CPSF2: variants seen among roughly 807,000 people sequenced by gnomAD.
CPSF2 encodes the protein cleavage and polyadenylation specificity factor subunit 2.
Under a neutral mutation model 84.2 loss-of-function variants are expected in CPSF2, and 51 were observed. The observed-to-expected ratio is 0.61, with a 90% CI of 0.48 to 0.77. CPSF2 has a LOEUF of 0.77. Among genes scored for constraint, CPSF2 ranks in the 30% least tolerant of loss-of-function variants. CPSF2 has a pLI of 0.00. For missense variants in CPSF2, 641 were observed against 929.4 expected (o/e 0.69, Z 4.03); for synonymous variants, 286 against 311.9 (o/e 0.92, Z 0.87).
chr14:92,142,925 G>C, intron 8 of CPSF2, 79 bp from the exon 9 acceptor site: 1 of 1,244,990 alleles, frequency 8.0e-7, no homozygotes, highest in East Asian at 2.4e-5. Flanking sequence ...GATAGAACTT[G>C]AATTCCTTGA....
rs1393954883 is a variant in CPSF2 at position 92,170,359 on chromosome 14, T to TG, written c.*8616dup. The TG allele has an allele frequency of 3.3e-5, 5 of 152,196 alleles. No homozygotes were observed. The highest frequency in any genetic ancestry group is 2.6e-4 in the Admixed American group (4 of 15,262). 9.4% of individuals were successfully genotyped at this position (152,196 alleles called of 1,614,324 possible). ...TTTTTTGAACTGTTTGTTACTAAGT[T>TG]GCAATTGTGATGTCCCATTAGTACT... On this transcript the variant is annotated 3_prime_UTR_variant, in exon 16 of 16. Coordinates refer to ENST00000298875, the MANE Select transcript of CPSF2 (RefSeq NM_017437.3).
At chr14:92,146,531 C>CA (rs1173714220) in intron 9 of CPSF2, among the ~76,000 whole-genome samples, 1 of 151,198 alleles carries the variant, frequency 6.6e-6, no homozygotes, top group Non-Finnish European at 1.5e-5. Context: ...AAAAAACAAA[C>CA]AAAAACACAT....
intron 6 of CPSF2, among the ~76,000 whole-genome samples, chr14:92,137,992 G>C (rs2069022674): frequency 6.6e-6 from 1 of 152,154 alleles, no homozygotes; most frequent in South Asian, 2.1e-4. Context: ...TATATGGTTA[G>C]CAGGATGTAC....
At chr14:92,127,606 G>A (rs1334516749) in intron 2 of CPSF2, among the ~76,000 whole-genome samples, 1 of 152,182 alleles carries the variant, frequency 6.6e-6, no homozygotes, top group Non-Finnish European at 1.5e-5. Flanking sequence ...GGGGTTGAAG[G>A]GTTAAGAGAG....
intron 11 of CPSF2, 59 bp from the exon 12 acceptor site, chr14:92,156,420 A>T: frequency 7.1e-7 from 1 of 1,407,112 alleles, no homozygotes; most frequent in Non-Finnish European, 9.7e-7. Flanking sequence ...TACTAGTCAT[A>T]TATGTTATGT....
intron 1 of CPSF2, among the ~76,000 whole-genome samples, chr14:92,122,702 C>T (rs1192670619): frequency 6.9e-6 from 1 of 144,688 alleles, no homozygotes; most frequent in East Asian, 2.1e-4. Context: ...TTTTTGACTT[C>T]GTACTATTTT....
In CPSF2 at chr14:92,165,544, C is replaced by T. The variant is rs1233459558; in HGVS notation, c.*3800C>T. 1 of 152,056 alleles carries T rather than the reference C, an allele frequency of 6.6e-6. No individual in the cohort carries two copies. Among genetic ancestry groups the T allele is most frequent in the Non-Finnish European group, 1.5e-5 (1 of 68,026 alleles). 9.4% of individuals were successfully genotyped at this position (152,056 alleles called of 1,614,324 possible). A position where few individuals can be genotyped will look rare whatever the true frequency, so the allele number is the denominator to read the frequency against. Reference sequence around the variant, plus strand: ...ATGACTGATGATGTGGAGCCTCTTTCCATGTGTTTATTGACTTTTTATATA... The same window carrying T: ...ATGACTGATGATGTGGAGCCTCTTTTCATGTGTTTATTGACTTTTTATATA... On this transcript the variant is annotated 3_prime_UTR_variant, in exon 16 of 16. Coordinates refer to ENST00000298875, the MANE Select transcript of CPSF2 (RefSeq NM_017437.3).
At chr14:92,140,320 G>C (rs553778993) in intron 7 of CPSF2, among the ~76,000 whole-genome samples, 106 of 152,104 alleles carry the variant, frequency 7.0e-4, no homozygotes, top group African/African-American at 2.5e-3. Flanking sequence ...CAGACACTGT[G>C]GTTCACGCCT....
chr14:92,160,868 T>A (rs146062653), intron 14 of CPSF2, among the ~76,000 whole-genome samples: 14 of 152,326 alleles, frequency 9.2e-5, no homozygotes, highest in African/African-American at 2.6e-4. Flanking sequence ...TGATGAGGCA[T>A]GACTAACAAA....
intron 1 of CPSF2, among the ~76,000 whole-genome samples, chr14:92,123,004 G>A (rs78595994): frequency 0.096 from 14,613 of 151,644 alleles, 781 homozygotes; most frequent in East Asian, 0.14. Context: ...GTATGAAACT[G>A]GGGCTCTCCC....
intron 9 of CPSF2, chr14:92,154,033 A>C (rs1173735475): frequency 5.8e-6 from 1 of 173,188 alleles, no homozygotes; most frequent in African/African-American, 2.4e-5. Flanking sequence ...GACAGAGTCA[A>C]CCTATGTTGC....
intron 7 of CPSF2, among the ~76,000 whole-genome samples, chr14:92,141,896 A>G (rs187244317): frequency 4.3e-4 from 66 of 152,314 alleles, no homozygotes; most frequent in Non-Finnish European, 7.6e-4. Context: ...GTGTATTATG[A>G]TGTATAAAGT....
At chr14:92,135,609 T>A in intron 6 of CPSF2, 113 bp downstream of exon 6, 3 of 1,037,472 alleles carry the variant, frequency 2.9e-6, no homozygotes, top group Non-Finnish European at 4.2e-6. Flanking sequence ...TAGAGCAACT[T>A]AAAACCGTCA....
intron 10 of CPSF2, 53 bp downstream of exon 10, chr14:92,154,511 G>A: frequency 2.4e-6 from 3 of 1,246,496 alleles, no homozygotes; most frequent in Non-Finnish European, 3.4e-6. Flanking sequence ...TGAGAAGAAT[G>A]TGTCCTTGAC....
chr14:92,158,021 G>C (rs866755876), intron 13 of CPSF2, 137 bp downstream of exon 13: 3 of 639,988 alleles, frequency 4.7e-6, no homozygotes, highest in African/African-American at 3.6e-5. Context: ...ATAGGGTATG[G>C]GGCTTAGAAC....
chr14:92,139,783 C>T (rs1408873393), intron 7 of CPSF2, among the ~76,000 whole-genome samples: 1 of 151,558 alleles, frequency 6.6e-6, no homozygotes, highest in Non-Finnish European at 1.5e-5. Context: ...AGGTGATCCT[C>T]CTGCCTCAGC....
intron 14 of CPSF2, among the ~76,000 whole-genome samples, chr14:92,160,660 C>A (rs1485545737): frequency 6.6e-6 from 1 of 152,198 alleles, no homozygotes; most frequent in Admixed American, 6.5e-5. Flanking sequence ...GATTGTAGAA[C>A]CTATGGCATC....
At chr14:92,161,383 G>T in intron 15 of CPSF2, 137 bp downstream of exon 15, 2 of 967,322 alleles carry the variant, frequency 2.1e-6, no homozygotes. Flanking sequence ...GACCTCAAAG[G>T]CTTACAGAAG....
At chr14:92,127,171 G>A (rs1727169141) in intron 2 of CPSF2, among the ~76,000 whole-genome samples, 1 of 152,196 alleles carries the variant, frequency 6.6e-6, no homozygotes, top group Non-Finnish European at 1.5e-5. Flanking sequence ...AGGGGAGAAG[G>A]TGACAGACAA....
Sources: gnomAD v4.1 joint callset for allele counts (sites outside exome capture counted in the v4.1 genomes callset) on GRCh38, gnomAD v4.1.1 for gene constraint, MANE v1.5 for transcripts, NCBI Gene and HGNC (gene_info 2026-07-23, HGNC 2026-07-21) for gene names.